The following APBB1IP variants were observed in gnomAD, a reference collection of about 807,000 sequenced individuals.
The protein encoded by APBB1IP is amyloid beta precursor protein binding family B member 1 interacting protein.
Under a neutral mutation model 64.9 loss-of-function variants are expected in APBB1IP, and 27 were observed. That is an observed-to-expected ratio of 0.42 (90% CI 0.31 to 0.57). The LOEUF is 0.57. Ranked by LOEUF, APBB1IP falls within the 20% of genes least tolerant of loss-of-function variation. APBB1IP has a pLI of 0.20. For synonymous variants in APBB1IP, 392 were observed against 331.0 expected (o/e 1.18, Z -2.00); for missense variants, 812 against 845.5 (o/e 0.96, Z 0.49).
chr10:26,547,569 G>A (rs978918507), intron 11 of APBB1IP, among the ~76,000 whole-genome samples: 2 of 152,108 alleles, frequency 1.3e-5, no homozygotes, highest in African/African-American at 4.8e-5. Flanking sequence ...AGCCTCCCGA[G>A]TAGCTGGGAT....
chr10:26,534,601 G>T (rs967872672), intron 9 of APBB1IP, among the ~76,000 whole-genome samples: 2 of 152,108 alleles, frequency 1.3e-5, no homozygotes, highest in Admixed American at 6.5e-5. Context: ...TTAAGGTTCC[G>T]CCCAGGCCTT....
chr10:26,489,898 G>A (rs1835934686), intron 2 of APBB1IP, among the ~76,000 whole-genome samples: 1 of 152,136 alleles, frequency 6.6e-6, no homozygotes, highest in Non-Finnish European at 1.5e-5. Context: ...AGTGGTGGGT[G>A]CCCATAATAC....
chr10:26,547,945 A>G (rs77838829), intron 11 of APBB1IP, among the ~76,000 whole-genome samples: 5 of 151,972 alleles, frequency 3.3e-5, no homozygotes, highest in African/African-American at 9.7e-5. Flanking sequence ...CTTTGTTGAA[A>G]ATCAGTTGGC....
intron 11 of APBB1IP, among the ~76,000 whole-genome samples, chr10:26,545,551 GA>G (rs1836750086): frequency 6.6e-6 from 1 of 152,094 alleles, no homozygotes; most frequent in Non-Finnish European, 1.5e-5. Context: ...ACGAGGTCAG[GA>G]GATCGAGACC....
At chr10:26,443,577 C>G (rs1835360368) in intron 2 of APBB1IP, among the ~76,000 whole-genome samples, 1 of 151,756 alleles carries the variant, frequency 6.6e-6, no homozygotes, top group Admixed American at 6.6e-5. Flanking sequence ...AGACAGGGTG[C>G]AGGCTGGAGT....
intron 8 of APBB1IP, among the ~76,000 whole-genome samples, chr10:26,528,984 AAAT>A: frequency 6.6e-6 from 1 of 152,338 alleles, no homozygotes; most frequent in South Asian, 2.1e-4. Context: ...GGGTACTCAC[AAAT>A]ATTTCTTCAC....
At chr10:26,455,365 T>C (rs1564349429) in intron 2 of APBB1IP, among the ~76,000 whole-genome samples, 1 of 151,854 alleles carries the variant, frequency 6.6e-6, no homozygotes, top group Non-Finnish European at 1.5e-5. Flanking sequence ...CTGTCTCTAC[T>C]AAAATACAAA....
At position 26,511,740 on chromosome 10, in the gene APBB1IP, T is replaced by TAGAA; in HGVS notation, c.532-7_532-6insAGAA. 1 of 1,614,108 alleles carries TAGAA rather than the reference T, an allele frequency of 6.2e-7. No homozygotes were observed. The highest frequency in any genetic ancestry group is 8.5e-7 in the Non-Finnish European group (1 of 1,179,978). ...ATTTACTGGCTGCCCCATGGTTCTA[T>TAGAA]CCTCAGCTCGTCGTCAAGGTGCACA... On this transcript the variant is annotated splice_region_variant and splice_polypyrimidine_tract_variant and intron_variant, in intron 6 of 14. Coordinates refer to ENST00000376236, the MANE Select transcript of APBB1IP (RefSeq NM_019043.4).
At chr10:26,534,647 G>A (rs1800801556) in intron 9 of APBB1IP, among the ~76,000 whole-genome samples, 1 of 152,094 alleles carries the variant, frequency 6.6e-6, no homozygotes, top group Admixed American at 6.5e-5. Flanking sequence ...TTCACAGCCC[G>A]GTGCCAAATA....
At chr10:26,441,598 G>A (rs935465160) in intron 2 of APBB1IP, among the ~76,000 whole-genome samples, 7 of 152,084 alleles carry the variant, frequency 4.6e-5, no homozygotes, top group Admixed American at 1.3e-4. Flanking sequence ...CTCACTGAGT[G>A]GTACCATGGA....
intron 2 of APBB1IP, among the ~76,000 whole-genome samples, chr10:26,452,598 G>T (rs1204758338): frequency 6.6e-6 from 1 of 152,176 alleles, no homozygotes; most frequent in Non-Finnish European, 1.5e-5. Context: ...TCATAGAATT[G>T]TTTTGAGAAT....
At chr10:26,523,369 C>T (rs1438103120) in intron 8 of APBB1IP, among the ~76,000 whole-genome samples, 1 of 152,106 alleles carries the variant, frequency 6.6e-6, no homozygotes, top group Non-Finnish European at 1.5e-5. Context: ...AATTAGAATC[C>T]ACATGACTTC....
intron 2 of APBB1IP, among the ~76,000 whole-genome samples, chr10:26,449,324 T>C (rs1835439959): frequency 6.6e-6 from 1 of 152,138 alleles, no homozygotes; most frequent in African/African-American, 2.4e-5. Flanking sequence ...TGTGTGTGTG[T>C]GAAAGAGAGA....
At position 26,567,607 on chromosome 10, in the gene APBB1IP, A is replaced by C. The variant is rs1837074578; in HGVS notation, c.*119A>C. ...GATAAAATGTGATGGGAAACTTCTCACTGATGTGCTCAAGTACAGGCATAA... is the reference window on the plus strand; with the variant it reads ...GATAAAATGTGATGGGAAACTTCTCCCTGATGTGCTCAAGTACAGGCATAA... On this transcript the variant is annotated 3_prime_UTR_variant, in exon 15 of 15. Coordinates refer to ENST00000376236, the MANE Select transcript of APBB1IP (RefSeq NM_019043.4). The C allele has an allele frequency of 6.9e-7, 1 of 1,443,370 alleles. No individual in the cohort carries two copies. Among genetic ancestry groups the C allele is most frequent in the South Asian group, 1.2e-5 (1 of 83,978 alleles). The allele number at this position is 1,443,370 out of a possible 1,614,324, so 89.4% of individuals were successfully genotyped here.
At chr10:26,490,253 A>C (rs921161405) in intron 2 of APBB1IP, among the ~76,000 whole-genome samples, 2 of 152,212 alleles carry the variant, frequency 1.3e-5, no homozygotes, top group Admixed American at 1.3e-4. Context: ...ATTTGCCTCC[A>C]CTTGGCCTAT....
chr10:26,561,064 C>CTTTTTTTTTTTTTT lies in APBB1IP; in HGVS notation c.1369+231_1369+244dup, dbSNP rs764573338. 8.4e-4 allele frequency among the ~76,000 whole-genome samples: 58 copies of CTTTTTTTTTTTTTT among 69,220 alleles called. 1 individual carries two copies. Among genetic ancestry groups the CTTTTTTTTTTTTTT allele is most frequent in the East Asian group, 3.3e-3 (7 of 2,134 alleles). The allele number at this position is 69,220 out of a possible 152,430, so 45.4% of individuals were successfully genotyped here. A position where few individuals can be genotyped will look rare whatever the true frequency, so the allele number is the denominator to read the frequency against. On this transcript the variant is annotated intron_variant, in intron 13 of 14. Transcript: ENST00000376236. ...CTTTTCTTTTTTTCTTTCTTTCTTT[C>CTTTTTTTTTTTTTT]TTTTTTTTTTTTTTTTTTTTTTTTG...
chr10:26,510,809 A>G (rs1836248152), intron 6 of APBB1IP, among the ~76,000 whole-genome samples: 1 of 151,744 alleles, frequency 6.6e-6, no homozygotes, highest in South Asian at 2.1e-4. Context: ...TGCCTGCAAA[A>G]CAGCTTATTT....
chr10:26,543,735 G>T (rs77868200), intron 11 of APBB1IP, among the ~76,000 whole-genome samples: 4,586 of 152,224 alleles, frequency 0.03, 71 homozygotes, highest in Middle Eastern at 0.054. Context: ...TGGGGCCAGG[G>T]CTCCTTTGGA....
chr10:26,482,523 C>T (rs1835846900), intron 2 of APBB1IP, among the ~76,000 whole-genome samples: 1 of 152,172 alleles, frequency 6.6e-6, no homozygotes, highest in African/African-American at 2.4e-5. Context: ...TTTCCACCAG[C>T]ATTTGCGAGC....
Sources: allele counts gnomAD v4.1 joint callset (sites outside exome capture counted in the v4.1 genomes callset), GRCh38; gene constraint gnomAD v4.1.1; transcripts MANE v1.5; gene names NCBI Gene and HGNC (gene_info 2026-07-23, HGNC 2026-07-21).